Variants in GABRB1 observed in about 807,000 individuals in gnomAD.
GABRB1 encodes gamma-aminobutyric acid receptor subunit beta-1.
A neutral mutation model predicts 51.6 loss-of-function variants in GABRB1; 17 were observed. The observed-to-expected ratio is 0.33, with a 90% CI of 0.23 to 0.49. The LOEUF (loss-of-function observed/expected upper bound fraction) is 0.49, where lower values mean the gene tolerates loss of function less well. Ranked by LOEUF, GABRB1 falls within the 20% of genes least tolerant of loss-of-function variation. The pLI, the probability that GABRB1 is intolerant of heterozygous loss-of-function variation, is 0.99. For missense variants in GABRB1, 410 were observed against 600.6 expected, an observed-to-expected ratio of 0.68 and a Z score of 3.32; for synonymous variants, 247 against 218.9, an observed-to-expected ratio of 1.13 and a Z score of -1.14.
At chr4:47,245,783 G>A (rs1427428455) in intron 4 of GABRB1, among the ~76,000 whole-genome samples, 1 of 149,684 alleles carries the variant, frequency 6.7e-6, no homozygotes, top group Admixed American at 6.7e-5. Context: ...AGAATGAGGA[G>A]CATTGTGCAT....
chr4:47,377,274 G>C (rs1221762342), intron 5 of GABRB1, among the ~76,000 whole-genome samples: 1 of 152,196 alleles, frequency 6.6e-6, no homozygotes, highest in African/African-American at 2.4e-5. Flanking sequence ...CTCCTGAGTA[G>C]CTGGGATTGT....
chr4:47,394,277 A>G (rs6831332), intron 5 of GABRB1, among the ~76,000 whole-genome samples: 4,049 of 152,334 alleles, frequency 0.027, 197 homozygotes, highest in African/African-American at 0.093. Context: ...CCAGACTTCA[A>G]TTGGGACAAG....
At chr4:47,072,714 A>G (rs1251430856) in intron 3 of GABRB1, among the ~76,000 whole-genome samples, 1 of 152,152 alleles carries the variant, frequency 6.6e-6, no homozygotes, top group Non-Finnish European at 1.5e-5. Context: ...GTGATTATGT[A>G]TTGTATCATG....
intron 3 of GABRB1, among the ~76,000 whole-genome samples, chr4:47,135,063 T>G (rs1295953671): frequency 1.3e-5 from 2 of 152,112 alleles, no homozygotes; most frequent in African/African-American, 4.8e-5. Flanking sequence ...AAGGCTGCAG[T>G]GAGCTATGAT....
At chr4:47,262,354 A>T (rs1490558249) in intron 4 of GABRB1, among the ~76,000 whole-genome samples, 1 of 152,132 alleles carries the variant, frequency 6.6e-6, no homozygotes, top group African/African-American at 2.4e-5. Flanking sequence ...CAAGAAAAAA[A>T]CAAACAACCC....
chr4:47,117,994 A>G (rs1475698308), intron 3 of GABRB1, among the ~76,000 whole-genome samples: 2 of 152,166 alleles, frequency 1.3e-5, no homozygotes, highest in Non-Finnish European at 2.9e-5. Flanking sequence ...TGACTTGTCC[A>G]CTTCTGTATA....
intron 3 of GABRB1, among the ~76,000 whole-genome samples, chr4:47,059,515 T>C (rs535276274): frequency 6.6e-6 from 1 of 152,346 alleles, no homozygotes; most frequent in East Asian, 1.9e-4. Flanking sequence ...GTAGCTTCTA[T>C]TAATGTCATT....
At chr4:47,241,764 G>C (rs1721530743) in intron 4 of GABRB1, among the ~76,000 whole-genome samples, 11 of 152,122 alleles carry the variant, frequency 7.2e-5, no homozygotes, top group Admixed American at 7.2e-4. Context: ...TGTTTTCTTT[G>C]ATTATGCAGG....
At chr4:47,262,001 T>C (rs1722459259) in intron 4 of GABRB1, among the ~76,000 whole-genome samples, 1 of 151,656 alleles carries the variant, frequency 6.6e-6, no homozygotes, top group Non-Finnish European at 1.5e-5. Flanking sequence ...TGTAGAAAGC[T>C]GAAACTGGAT....
intron 5 of GABRB1, among the ~76,000 whole-genome samples, chr4:47,361,980 G>T (rs1321600256): frequency 6.6e-6 from 1 of 151,578 alleles, no homozygotes; most frequent in African/African-American, 2.4e-5. Context: ...CAATGACATG[G>T]ATAATTTGCC....
At chr4:47,328,573 A>C (rs887912587) in intron 5 of GABRB1, among the ~76,000 whole-genome samples, 1 of 152,210 alleles carries the variant, frequency 6.6e-6, no homozygotes, top group Non-Finnish European at 1.5e-5. Context: ...TTCACAATGG[A>C]ATACTATGCA....
intron 3 of GABRB1, among the ~76,000 whole-genome samples, chr4:47,068,918 T>C (rs1727198591): frequency 6.6e-6 from 1 of 152,206 alleles, no homozygotes. Flanking sequence ...AAATGAGGTA[T>C]GGCTGTAAAA....
chr4:47,330,034 A>C (rs1452998507), intron 5 of GABRB1, among the ~76,000 whole-genome samples: 1 of 152,092 alleles, frequency 6.6e-6, no homozygotes, highest in Non-Finnish European at 1.5e-5. Flanking sequence ...TAGTCTGAAG[A>C]CCTAACAGAC....
intron 3 of GABRB1, among the ~76,000 whole-genome samples, chr4:47,053,418 C>G (rs1337469324): frequency 1.3e-5 from 2 of 152,102 alleles, no homozygotes; most frequent in Admixed American, 1.3e-4. Flanking sequence ...GATTCAGGGA[C>G]CCAAGAGAGG....
At chr4:47,051,867 G>A (rs997147785) in intron 3 of GABRB1, among the ~76,000 whole-genome samples, 21 of 152,184 alleles carry the variant, frequency 1.4e-4, no homozygotes, top group East Asian at 3.9e-4. Flanking sequence ...CATGACTCAC[G>A]CCCGTAATCC....
intron 4 of GABRB1, among the ~76,000 whole-genome samples, chr4:47,277,366 A>C (rs1723122538): frequency 6.6e-6 from 1 of 152,084 alleles, no homozygotes; most frequent in South Asian, 2.1e-4. Context: ...GAGGCTCGGA[A>C]GGATAGTGAG....
intron 4 of GABRB1, among the ~76,000 whole-genome samples, chr4:47,212,789 A>G (rs915196784): frequency 7.9e-5 from 12 of 152,216 alleles, no homozygotes; most frequent in Non-Finnish European, 1.5e-4. Context: ...AGAATAAGGA[A>G]GTATAAAAAT....
At chr4:47,350,999 C>A (rs1245935541) in intron 5 of GABRB1, among the ~76,000 whole-genome samples, 1 of 152,230 alleles carries the variant, frequency 6.6e-6, no homozygotes, top group Non-Finnish European at 1.5e-5. Flanking sequence ...ATAAAAGTTT[C>A]TTCCACATTT....
chr4:47,411,612 A>C (rs1260002466), intron 8 of GABRB1, among the ~76,000 whole-genome samples: 1 of 152,202 alleles, frequency 6.6e-6, no homozygotes, highest in East Asian at 1.9e-4. Flanking sequence ...ATGAATCTAC[A>C]TATGCAATAA....
Sources: allele counts gnomAD v4.1 joint callset (sites outside exome capture counted in the v4.1 genomes callset), GRCh38; gene constraint gnomAD v4.1.1; transcripts MANE v1.5; gene names NCBI Gene and HGNC (gene_info 2026-07-23, HGNC 2026-07-21).